GLDC: variants seen among roughly 807,000 people sequenced by gnomAD.
GLDC encodes the protein glycine decarboxylase.
GLDC carries 104 observed loss-of-function variants against 121.3 expected under a neutral mutation model. That is an observed-to-expected ratio of 0.86 (90% CI 0.73 to 1.01). GLDC has a LOEUF of 1.01. Among genes scored for constraint, GLDC ranks in the 50% least tolerant of loss-of-function variants. The pLI, the probability that GLDC is intolerant of heterozygous loss-of-function variation, is 0.00. For missense variants in GLDC, 1,429 were observed against 1,306.6 expected (o/e 1.09, Z -1.44); for synonymous variants, 546 against 480.6 (o/e 1.14, Z -1.78).
chr9:6,618,728 G>T (rs969346329), intron 3 of GLDC, among the ~76,000 whole-genome samples: 1 of 152,110 alleles, frequency 6.6e-6, no homozygotes, highest in African/African-American at 2.4e-5. Flanking sequence ...TATCAGTGAG[G>T]ACCAGAGTGG....
At chr9:6,555,609 A>C (rs1305213192) in intron 18 of GLDC, among the ~76,000 whole-genome samples, 2 of 151,958 alleles carry the variant, frequency 1.3e-5, no homozygotes, top group Admixed American at 6.6e-5. Context: ...TCTCTACTAA[A>C]ATACAAAAAT....
intron 2 of GLDC, among the ~76,000 whole-genome samples, chr9:6,636,545 C>T (rs1014936524): frequency 1.3e-5 from 2 of 152,014 alleles, no homozygotes; most frequent in African/African-American, 2.4e-5. Flanking sequence ...GAGGCAGAGT[C>T]GGAAGGATTT....
intron 15 of GLDC, among the ~76,000 whole-genome samples, chr9:6,580,173 A>C (rs913850578): frequency 1.3e-5 from 2 of 152,142 alleles, no homozygotes; most frequent in African/African-American, 2.4e-5. Flanking sequence ...CCATAAGCCA[A>C]GTTCTCTTCA....
At chr9:6,553,305 G>A (rs768569870) in intron 20 of GLDC, 63 bp downstream of exon 20, 12 of 1,434,346 alleles carry the variant, frequency 8.4e-6, no homozygotes, top group South Asian at 4.6e-5. Flanking sequence ...TGCAGTATCC[G>A]GTCCCCATGC....
chr9:6,556,363 A>C, intron 17 of GLDC, 61 bp from the exon 18 acceptor site: 2 of 1,347,444 alleles, frequency 1.5e-6, no homozygotes, highest in Non-Finnish European at 1.1e-6. Context: ...TCTTGGCCAA[A>C]TCCTCGCCTT....
At chr9:6,619,145 G>T (rs1819026887) in intron 3 of GLDC, among the ~76,000 whole-genome samples, 3 of 30,196 alleles carry the variant, frequency 9.9e-5, no homozygotes, top group Admixed American at 5.2e-4. Context: ...TCTGTCTCAG[G>T]CAAAAAAAAA....
chr9:6,560,377 T>C (rs923170496), intron 16 of GLDC, among the ~76,000 whole-genome samples: 4 of 152,264 alleles, frequency 2.6e-5, no homozygotes, highest in Middle Eastern at 3.2e-3. Context: ...AAACATGAAC[T>C]ACTTTGCACT....
chr9:6,614,659 G>C (rs1474245068), intron 3 of GLDC, among the ~76,000 whole-genome samples: 1 of 152,004 alleles, frequency 6.6e-6, no homozygotes, highest in Non-Finnish European at 1.5e-5. Context: ...AAATTGCTGG[G>C]ATAACAGGAG....
intron 15 of GLDC, among the ~76,000 whole-genome samples, chr9:6,581,742 T>G (rs927977926): frequency 6.6e-6 from 1 of 152,128 alleles, no homozygotes; most frequent in Non-Finnish European, 1.5e-5. Context: ...ACTATCCAGG[T>G]TGACCAAAAG....
chr9:6,614,129 C>G (rs1389723749), intron 3 of GLDC, among the ~76,000 whole-genome samples: 1 of 152,140 alleles, frequency 6.6e-6, no homozygotes, highest in Non-Finnish European at 1.5e-5. Flanking sequence ...TACCATGTTC[C>G]TCTCCAGAAA....
intron 2 of GLDC, among the ~76,000 whole-genome samples, chr9:6,638,061 A>G (rs570896547): frequency 1.3e-5 from 2 of 152,052 alleles, no homozygotes; most frequent in East Asian, 3.8e-4. Context: ...ATATCCCCCA[A>G]ATAATTGATA....
intron 2 of GLDC, among the ~76,000 whole-genome samples, chr9:6,640,492 A>G (rs1384829137): frequency 6.6e-6 from 1 of 152,230 alleles, no homozygotes; most frequent in Non-Finnish European, 1.5e-5. Context: ...CAGCTGCATT[A>G]CACAATGCTC....
chr9:6,552,619 G>A (rs1299274839), intron 20 of GLDC, among the ~76,000 whole-genome samples: 1 of 152,116 alleles, frequency 6.6e-6, no homozygotes, highest in African/African-American at 2.4e-5. Context: ...CTGCGTTTTG[G>A]GGGTTTTGTT....
rs1216155531 is a variant in GLDC, at chr9:6,550,903, G to C, written c.2469C>G (p.Gly823=). 5.0e-6 allele frequency: 8 copies of C among 1,606,680 alleles called. No homozygotes were observed. The highest frequency in any genetic ancestry group is 6.8e-6 in the Non-Finnish European group (8 of 1,173,518). The change falls in exon 21 of 25, where the codon GGC becomes GGG. Residue 823 remains glycine, a synonymous_variant. Transcript: ENST00000321612. ...TTTCCGTGGCTTGTTTAAGACCCTT[G>C]CCTCCCATCATCTGCAACAAAGGGA... is the stretch of plus-strand genomic sequence containing the variant. The part of the protein sequence containing the change: ...ISWAYIKMMG[G]KGLKQATETA...
At chr9:6,558,221 C>G in intron 17 of GLDC, 1 of 548,356 alleles carries the variant, frequency 1.8e-6, no homozygotes, top group South Asian at 2.4e-5. Context: ...CAATTCCTGA[C>G]ACGAAGATGT....
chr9:6,549,195 G>A (rs1212929168), intron 21 of GLDC, among the ~76,000 whole-genome samples: 1 of 152,174 alleles, frequency 6.6e-6, no homozygotes, highest in Non-Finnish European at 1.5e-5. Context: ...TCAGCCACCC[G>A]CTCTTTACAG....
intron 2 of GLDC, among the ~76,000 whole-genome samples, 170 bp from the exon 3 acceptor site, chr9:6,620,489 A>T (rs1020220904): frequency 6.6e-6 from 1 of 152,104 alleles, no homozygotes; most frequent in African/African-American, 2.4e-5. Context: ...ATCTCAAAAA[A>T]AAAAAAAGTC....
chr9:6,607,002 G>A (rs1241382596), intron 4 of GLDC, among the ~76,000 whole-genome samples: 4 of 151,874 alleles, frequency 2.6e-5, no homozygotes, highest in Admixed American at 6.6e-5. Context: ...GGCCGAGGTT[G>A]CAGTGAGCCA....
At chr9:6,564,879 A>G (rs1817824468) in intron 16 of GLDC, among the ~76,000 whole-genome samples, 1 of 152,250 alleles carries the variant, frequency 6.6e-6, no homozygotes, top group Admixed American at 6.5e-5. Context: ...TGGTGCTTGA[A>G]GTTGAGAATC....
Sources: gnomAD v4.1 joint callset for allele counts (sites outside exome capture counted in the v4.1 genomes callset) on GRCh38, gnomAD v4.1.1 for gene constraint, MANE v1.5 for transcripts, NCBI Gene and HGNC (gene_info 2026-07-23, HGNC 2026-07-21) for gene names.